SSBP2: variants seen among roughly 807,000 people sequenced by gnomAD.
SSBP2 encodes the protein single-stranded DNA-binding protein 2.
A neutral mutation model predicts 61.8 loss-of-function variants in SSBP2; 17 were observed. The observed-to-expected ratio is 0.28, with a 90% confidence interval of 0.19 to 0.41. The LOEUF is 0.41. Among genes scored for constraint, SSBP2 ranks in the 10% least tolerant of loss-of-function variants. SSBP2 has a pLI of 1.00. For missense variants in SSBP2, 310 were observed against 458.7 expected, an observed-to-expected ratio of 0.68 and a Z score of 2.96; for synonymous variants, 139 against 141.3, an observed-to-expected ratio of 0.98 and a Z score of 0.12.
Position 81,489,288 on chromosome 5 carries a change from G to A in SSBP2, c.394C>T (p.Pro132Ser), listed in dbSNP as rs1766675240. 3.1e-6 allele frequency: 5 copies of A among 1,606,404 alleles called. No homozygotes were observed. The highest frequency in any genetic ancestry group is 1.7e-5 in the Admixed American group (1 of 58,118). Reference sequence around the variant, plus strand: ...CTCAATGGGGGCCTTGGACCTCCAGGGTACCGAGGTGACATAAAAGGCTAT... The same window carrying A: ...CTCAATGGGGGCCTTGGACCTCCAGAGTACCGAGGTGACATAAAAGGCTAT... The change falls in exon 6 of 17, where the codon CCT becomes TCT. Residue 132 changes from proline (P) to serine (S), a missense_variant. Coordinates refer to ENST00000320672, the MANE Select transcript of SSBP2 (RefSeq NM_012446.5).
upstream of SSBP2, chr5:81,751,403 T>G (rs980468025): frequency 7.4e-5 from 25 of 336,246 alleles, no homozygotes; most frequent in Non-Finnish European, 1.3e-4. Flanking sequence ...TCTAGAAGGA[T>G]TTTAAACAAC....
At chr5:81,643,223 A>G (rs187343754) in intron 2 of SSBP2, among the ~76,000 whole-genome samples, 171 of 152,274 alleles carry the variant, frequency 1.1e-3, no homozygotes, top group African/African-American at 4.0e-3. Flanking sequence ...AGTCTTGTCA[A>G]TGTGGGACCT....
chr5:81,624,478 G>A (rs975402159), intron 3 of SSBP2, among the ~76,000 whole-genome samples: 2 of 152,018 alleles, frequency 1.3e-5, no homozygotes, highest in Non-Finnish European at 2.9e-5. Context: ...TAGTGGTTGA[G>A]CATCCCAAAT....
intron 9 of SSBP2, among the ~76,000 whole-genome samples, chr5:81,462,562 T>C (rs994210785): frequency 1.3e-5 from 2 of 152,152 alleles, no homozygotes; most frequent in Admixed American, 6.5e-5. Context: ...TTTGTATTGA[T>C]TGTCTTTGGA....
chr5:81,531,933 T>C (rs1770443262), intron 4 of SSBP2, among the ~76,000 whole-genome samples: 2 of 152,006 alleles, frequency 1.3e-5, no homozygotes, highest in African/African-American at 2.4e-5. Context: ...TGAGTTGAGG[T>C]GAAAGCAGTG....
At chr5:81,622,774 A>ATC (rs907838821) in intron 3 of SSBP2, among the ~76,000 whole-genome samples, 16 of 152,172 alleles carry the variant, frequency 1.1e-4, no homozygotes, top group South Asian at 2.1e-4. Context: ...TTTAGTCTGG[A>ATC]TCTCTCTCTC....
At chr5:81,632,967 T>C (rs79057481) in intron 3 of SSBP2, among the ~76,000 whole-genome samples, 2,394 of 152,252 alleles carry the variant, frequency 0.016, 32 homozygotes, top group Non-Finnish European at 0.025. Flanking sequence ...AAAGGACATA[T>C]GCATTCTGAT....
chr5:81,667,416 T>C (rs887036400), intron 1 of SSBP2, among the ~76,000 whole-genome samples: 10 of 151,612 alleles, frequency 6.6e-5, no homozygotes, highest in Admixed American at 5.9e-4. Context: ...CACTGACTAC[T>C]CAGTAGAAAG....
At chr5:81,747,297 G>C (rs1005003206) in intron 1 of SSBP2, among the ~76,000 whole-genome samples, 1 of 152,088 alleles carries the variant, frequency 6.6e-6, no homozygotes, top group Admixed American at 6.5e-5. Context: ...AGGTTCTAAA[G>C]TTAGAGAAAT....
intron 1 of SSBP2, among the ~76,000 whole-genome samples, chr5:81,742,191 T>C (rs1194700317): frequency 6.6e-6 from 1 of 152,210 alleles, no homozygotes; most frequent in Non-Finnish European, 1.5e-5. Flanking sequence ...AAGTACAATT[T>C]CATTTATATT....
intron 4 of SSBP2, among the ~76,000 whole-genome samples, chr5:81,599,691 G>A (rs1744149869): frequency 6.6e-6 from 1 of 152,206 alleles, no homozygotes; most frequent in African/African-American, 2.4e-5. Flanking sequence ...TCAAAATTCA[G>A]CTCTGACATC....
At chr5:81,571,315 T>G (rs929124847) in intron 4 of SSBP2, among the ~76,000 whole-genome samples, 1 of 152,216 alleles carries the variant, frequency 6.6e-6, no homozygotes, top group Non-Finnish European at 1.5e-5. Flanking sequence ...TCTTTATTTT[T>G]TGAAGGCTTT....
intron 6 of SSBP2, among the ~76,000 whole-genome samples, chr5:81,480,122 AAATG>A (rs1247805857): frequency 6.6e-6 from 1 of 152,232 alleles, no homozygotes; most frequent in African/African-American, 2.4e-5. Context: ...GATTTAAAAT[AAATG>A]AAATAGTATA....
chr5:81,629,705 G>C (rs1191838622), intron 3 of SSBP2, among the ~76,000 whole-genome samples: 1 of 152,128 alleles, frequency 6.6e-6, no homozygotes, highest in East Asian at 1.9e-4. Context: ...CAGCTTTATA[G>C]AGGTATGGTT....
At chr5:81,579,591 C>A (rs925468385) in intron 4 of SSBP2, among the ~76,000 whole-genome samples, 14 of 152,092 alleles carry the variant, frequency 9.2e-5, no homozygotes, top group African/African-American at 3.4e-4. Context: ...CTGCTTCTGT[C>A]CTCATCCACT....
chr5:81,644,994 C>T (rs1282338518), intron 2 of SSBP2, among the ~76,000 whole-genome samples: 2 of 152,004 alleles, frequency 1.3e-5, no homozygotes, highest in African/African-American at 4.8e-5. Context: ...AGAAACTATA[C>T]AAGATAGAAA....
At chr5:81,503,062 A>C (rs1013393175) in intron 5 of SSBP2, among the ~76,000 whole-genome samples, 1 of 152,196 alleles carries the variant, frequency 6.6e-6, no homozygotes. Context: ...AAGCATATGA[A>C]AAAAAAGCTC....
intron 2 of SSBP2, among the ~76,000 whole-genome samples, chr5:81,641,894 A>C (rs1748820571): frequency 6.6e-6 from 1 of 152,168 alleles, no homozygotes; most frequent in African/African-American, 2.4e-5. Flanking sequence ...AGGTTGGAGA[A>C]TATTATGTAT....
chr5:81,532,647 G>A (rs1437074645), intron 4 of SSBP2, among the ~76,000 whole-genome samples: 1 of 151,820 alleles, frequency 6.6e-6, no homozygotes, highest in Non-Finnish European at 1.5e-5. Flanking sequence ...AACATATGCT[G>A]CTCCAAGAAA....
Sources: gnomAD v4.1 joint callset for allele counts (sites outside exome capture counted in the v4.1 genomes callset) on GRCh38, gnomAD v4.1.1 for gene constraint, MANE v1.5 for transcripts, NCBI Gene and HGNC (gene_info 2026-07-23, HGNC 2026-07-21) for gene names.